TRPM3: variants seen among roughly 807,000 people sequenced by gnomAD.
The protein encoded by TRPM3 is transient receptor potential cation channel subfamily M member 3.
In TRPM3, 77 loss-of-function variants were observed where a neutral mutation model predicts 181.2. The observed-to-expected ratio is 0.42, with a 90% CI of 0.35 to 0.51. TRPM3 has a LOEUF of 0.51. Ranked by LOEUF, TRPM3 falls within the 20% of genes least tolerant of loss-of-function variation. The pLI is 0.01. For synonymous variants in TRPM3, 745 were observed against 796.4 expected, an observed-to-expected ratio of 0.94 and a Z score of 1.09; for missense variants, 1,759 against 2,196.7, an observed-to-expected ratio of 0.80 and a Z score of 3.98.
At chr9:71,216,623 G>T (rs566476076) in intron 1 of TRPM3, among the ~76,000 whole-genome samples, 1 of 152,248 alleles carries the variant, frequency 6.6e-6, no homozygotes, top group South Asian at 2.1e-4. Flanking sequence ...GCCATGCAAA[G>T]AGCACATTTG....
chr9:70,669,415 T>C (rs952633930), intron 9 of TRPM3, among the ~76,000 whole-genome samples: 1 of 152,224 alleles, frequency 6.6e-6, no homozygotes, highest in Non-Finnish European at 1.5e-5. Context: ...GCTTTTCTCC[T>C]GGTTATGACC....
chr9:70,777,972 A>G (rs1400540580), intron 7 of TRPM3, among the ~76,000 whole-genome samples: 1 of 140,856 alleles, frequency 7.1e-6, no homozygotes, highest in Admixed American at 7.6e-5. Flanking sequence ...TTATTAGTGT[A>G]TATAAATTTA....
intron 6 of TRPM3, chr9:70,809,903 G>T: frequency 1.9e-6 from 1 of 526,308 alleles, no homozygotes; most frequent in Non-Finnish European, 3.9e-6. Flanking sequence ...ACAGTTATGG[G>T]CCCAATGATG....
In TRPM3 at chr9:71,413,921, A is replaced by G. The variant is rs1404609593; in HGVS notation, c.183+32732T>C. Among the ~76,000 whole-genome samples, 8 of 151,904 alleles carry G rather than the reference A, an allele frequency of 5.3e-5. No individual in the cohort carries two copies. The East Asian group carries it at 1.5e-3, about 29-fold the overall frequency. On this transcript the variant is annotated intron_variant, in intron 1 of 24. Transcript: ENST00000357533. ...TGTTACAGTCACATAAAACAAACTA[A>G]GACTCTGAGCATGTTTATCTCCTCA...
intron 1 of TRPM3, among the ~76,000 whole-genome samples, chr9:71,128,027 G>A (rs1169503024): frequency 6.6e-6 from 1 of 152,168 alleles, no homozygotes; most frequent in African/African-American, 2.4e-5. Flanking sequence ...CCTTCCCACA[G>A]CTAGTGATCT....
At chr9:71,034,976 C>A (rs1223147681) in intron 1 of TRPM3, among the ~76,000 whole-genome samples, 3 of 151,042 alleles carry the variant, frequency 2.0e-5, no homozygotes, top group Non-Finnish European at 4.4e-5. Context: ...TTTTTTTTTG[C>A]TACAAAATAT....
chr9:71,332,376 GGTGTGTGTGTGTGTGTGTGTGT>G (rs3041716), intron 1 of TRPM3, among the ~76,000 whole-genome samples: 1 of 142,248 alleles, frequency 7.0e-6, no homozygotes, highest in East Asian at 2.0e-4. Context: ...TTCAATGTTG[GGTGTGTGTGTGTGTGTGTGTGT>G]GTGTGTGTGT....
chr9:71,192,726 G>T (rs546442108), intron 1 of TRPM3, among the ~76,000 whole-genome samples: 1 of 151,728 alleles, frequency 6.6e-6, no homozygotes, highest in African/African-American at 2.4e-5. Flanking sequence ...CCTGTTGATT[G>T]TTTCTTTTGC....
intron 1 of TRPM3, among the ~76,000 whole-genome samples, chr9:70,957,229 G>T (rs2097086339): frequency 6.6e-6 from 1 of 152,036 alleles, no homozygotes; most frequent in African/African-American, 2.4e-5. Flanking sequence ...CTCCCAAAGT[G>T]TTGGGATTAC....
chr9:70,831,985 A>ATATATTTATATATATATATT (rs1564497543), intron 5 of TRPM3, among the ~76,000 whole-genome samples: 15 of 128,642 alleles, frequency 1.2e-4, no homozygotes, highest in South Asian at 2.4e-4. Flanking sequence ...ATATATATAT[A>ATATATTTATATATATATATT]TATATATATA....
Position 70,848,759 on chromosome 9 carries a change from C to T in TRPM3, c.463-2168G>A, listed in dbSNP as rs1400081540. ...TTGGGAGGCCGAGGCGGGCGGATCA[C>T]GAGGTCAGGAGATCGAGACCATCCT... On this transcript the variant is annotated intron_variant, in intron 3 of 25. Transcript: ENST00000677713. 1.2e-3 allele frequency among the ~76,000 whole-genome samples: 35 copies of T among 29,442 alleles called. 12 individuals carry two copies. The highest frequency in any genetic ancestry group is 2.4e-3 in the Non-Finnish European group (30 of 12,528). 19.3% of individuals were successfully genotyped at this position (29,442 alleles called of 152,430 possible). A position where few individuals can be genotyped will look rare whatever the true frequency, so the allele number is the denominator to read the frequency against.
intron 1 of TRPM3, among the ~76,000 whole-genome samples, chr9:71,114,995 T>G (rs1251656259): frequency 2.0e-5 from 3 of 152,210 alleles, no homozygotes; most frequent in Admixed American, 6.5e-5. Context: ...AAACACTTCT[T>G]CAGATTCTAT....
chr9:71,045,417 C>T (rs1035960538), intron 1 of TRPM3, among the ~76,000 whole-genome samples: 4 of 152,148 alleles, frequency 2.6e-5, no homozygotes, highest in African/African-American at 9.7e-5. Flanking sequence ...ATTTCTCGGC[C>T]ACACTGTAAA....
chr9:71,417,620 T>C (rs1175966426), intron 1 of TRPM3, among the ~76,000 whole-genome samples: 1 of 151,870 alleles, frequency 6.6e-6, no homozygotes, highest in Non-Finnish European at 1.5e-5. Flanking sequence ...TAAAAATTCA[T>C]CCAGAAAGAA....
At chr9:71,095,631 C>T (rs542940625) in intron 1 of TRPM3, among the ~76,000 whole-genome samples, 5 of 151,660 alleles carry the variant, frequency 3.3e-5, no homozygotes, top group African/African-American at 9.7e-5. Flanking sequence ...TGGTGGCATG[C>T]GTCTGTAATC....
At chr9:70,571,796 A>C (rs542826161) in intron 22 of TRPM3, among the ~76,000 whole-genome samples, 2 of 152,256 alleles carry the variant, frequency 1.3e-5, no homozygotes, top group African/African-American at 4.8e-5. Flanking sequence ...TATGACCCTC[A>C]CATCTCTTTA....
Position 71,370,376 on chromosome 9 carries a change from C to T in TRPM3, c.183+76277G>A, listed in dbSNP as rs561715090. Reference sequence around the variant, plus strand: ...AAGTTGTAAATACAAAGGAAAAGTTCTTGAAAAAAAATTAAAAGTACTACT... The same window carrying T: ...AAGTTGTAAATACAAAGGAAAAGTTTTTGAAAAAAAATTAAAAGTACTACT... On this transcript the variant is annotated intron_variant, in intron 1 of 24. Coordinates refer to the TRPM3 transcript ENST00000357533. Among the ~76,000 whole-genome samples the T allele has an allele frequency of 5.0e-3, 756 of 152,020 alleles. 3 individuals carry two copies. Among genetic ancestry groups the T allele is most frequent in the African/African-American group, 0.015 (625 of 41,480 alleles).
intron 9 of TRPM3, among the ~76,000 whole-genome samples, chr9:70,672,373 C>T (rs868240897): frequency 3.9e-5 from 6 of 152,214 alleles, no homozygotes; most frequent in Admixed American, 6.5e-5. Context: ...TGCTCATGAT[C>T]ACTCTGTCTA....
In TRPM3 at chr9:70,619,030, A is replaced by C. The variant is rs2063208377; in HGVS notation, c.2195T>G (p.Met732Arg). Residue 732 changes from methionine (M) to arginine (R), a missense_variant, in exon 17 of 26, where the codon ATG becomes AGG. Met to Arg is a moderately conservative substitution (Grantham distance 91). Transcript: ENST00000677713. Reference sequence around the variant, plus strand: ...CTTCAGCTCATACGTCAGCAGTTTCATGGCCAGCTGTTCGTCCTGCTTGTA... The same window carrying C: ...CTTCAGCTCATACGTCAGCAGTTTCCTGGCCAGCTGTTCGTCCTGCTTGTA... Reference protein sequence around the residue: ...QSYKQDEQLAMKLLTYELKNW... With the variant: ...QSYKQDEQLARKLLTYELKNW... 4 of 1,614,196 alleles carry C rather than the reference A, an allele frequency of 2.5e-6. No individual in the cohort carries two copies. The highest frequency in any genetic ancestry group is 3.3e-5 in the Admixed American group (2 of 60,022).
Sources: allele counts gnomAD v4.1 joint callset (sites outside exome capture counted in the v4.1 genomes callset), GRCh38; gene constraint gnomAD v4.1.1; transcripts MANE v1.5; gene names NCBI Gene and HGNC (gene_info 2026-07-23, HGNC 2026-07-21).